Variants in RFX3 observed in about 807,000 individuals in gnomAD.
The protein encoded by RFX3 is regulatory factor X3, also known as transcription factor RFX3.
In RFX3, 14 loss-of-function variants were observed where a neutral mutation model predicts 98.6. That is an observed-to-expected ratio of 0.14 (90% CI 0.09 to 0.22). RFX3 has a LOEUF of 0.22. Among genes scored for constraint, RFX3 ranks in the 10% least tolerant of loss-of-function variants. The probability of loss-of-function intolerance (pLI) is 1.00; values close to 1 mark genes in which losing one functional copy is unlikely to be tolerated. For synonymous variants in RFX3, 383 were observed against 328.4 expected (o/e 1.17, Z -1.80); for missense variants, 639 against 926.9 (o/e 0.69, Z 4.03).
intron 5 of RFX3, among the ~76,000 whole-genome samples, chr9:3,298,518 G>C (rs1478976336): frequency 1.3e-5 from 2 of 151,666 alleles, no homozygotes; most frequent in African/African-American, 4.8e-5. Flanking sequence ...CTATGTACCA[G>C]GCACTGTTCT....
intron 4 of RFX3, among the ~76,000 whole-genome samples, chr9:3,311,960 T>C (rs144528429): frequency 4.5e-4 from 68 of 152,278 alleles, no homozygotes; most frequent in African/African-American, 1.5e-3. Context: ...AGGCCTTTCA[T>C]ACATGTATTG....
rs1834288260 is a variant in RFX3, at chr9:3,344,938, A to G, written c.215+1729T>C. 1.6e-5 allele frequency: 11 copies of G among 672,252 alleles called. No individual in the cohort carries two copies. The South Asian group carries it at 1.8e-4, about 11-fold the overall frequency. The allele number at this position is 672,252 out of a possible 1,614,324, so 41.6% of individuals were successfully genotyped here. On this transcript the variant is annotated intron_variant, in intron 3 of 16. Transcript: ENST00000617270. ...CACAGTGTGTCTAAAATATGTAAAG[A>G]GGTATAGATTTAATACGGTAACAGA...
chr9:3,258,764 C>T (rs983416075), intron 13 of RFX3, among the ~76,000 whole-genome samples: 22 of 151,710 alleles, frequency 1.5e-4, no homozygotes, highest in African/African-American at 5.1e-4. Context: ...ACCTTTCAAA[C>T]TTTTCACATG....
chr9:3,303,795 G>A (rs1221503620), intron 4 of RFX3, among the ~76,000 whole-genome samples: 4 of 151,978 alleles, frequency 2.6e-5, no homozygotes, highest in East Asian at 3.9e-4. Context: ...TTGGAAAGGT[G>A]CAAGGAAATA....
At chr9:3,255,881 G>T (rs2131093648) in intron 14 of RFX3, among the ~76,000 whole-genome samples, 1 of 152,094 alleles carries the variant, frequency 6.6e-6, no homozygotes, top group South Asian at 2.1e-4. Flanking sequence ...CTATGTTACT[G>T]TCTACGAGAT....
intron 3 of RFX3, among the ~76,000 whole-genome samples, chr9:3,338,039 C>T (rs1020482680): frequency 2.6e-5 from 4 of 152,134 alleles, no homozygotes; most frequent in African/African-American, 4.8e-5. Context: ...GAATATTCAT[C>T]AGACTGAAGG....
At chr9:3,459,801 G>C (rs1847525517) in intron 1 of RFX3, among the ~76,000 whole-genome samples, 1 of 151,980 alleles carries the variant, frequency 6.6e-6, no homozygotes, top group Non-Finnish European at 1.5e-5. Flanking sequence ...CTCAGAATAA[G>C]TTATAGTTTG....
chr9:3,493,938 G>A (rs1174996564), intron 1 of RFX3, among the ~76,000 whole-genome samples: 2 of 151,566 alleles, frequency 1.3e-5, no homozygotes, highest in Non-Finnish European at 2.9e-5. Context: ...TAAGATCCAT[G>A]TCCTGCTTTA....
chr9:3,441,715 G>A (rs1845625828), intron 1 of RFX3, among the ~76,000 whole-genome samples: 1 of 151,936 alleles, frequency 6.6e-6, no homozygotes, highest in Non-Finnish European at 1.5e-5. Context: ...TAAATGATTG[G>A]AGAAATAAAT....
chr9:3,352,711 C>A (rs1835290355), intron 2 of RFX3, among the ~76,000 whole-genome samples: 1 of 151,920 alleles, frequency 6.6e-6, no homozygotes, highest in Admixed American at 6.6e-5. Context: ...AGTCATGTGA[C>A]AAAAGGCATC....
At chr9:3,367,146 C>T (rs942870853) in intron 2 of RFX3, among the ~76,000 whole-genome samples, 1 of 152,230 alleles carries the variant, frequency 6.6e-6, no homozygotes, top group South Asian at 2.1e-4. Flanking sequence ...TATGGTACAG[C>T]TGACGTTAAA....
intron 1 of RFX3, among the ~76,000 whole-genome samples, chr9:3,518,017 T>C (rs1266759510): frequency 6.6e-6 from 1 of 152,224 alleles, no homozygotes; most frequent in Non-Finnish European, 1.5e-5. Flanking sequence ...CGTTTAGATA[T>C]GTTCAGATAC....
intron 2 of RFX3, among the ~76,000 whole-genome samples, chr9:3,347,778 A>C (rs1017581956): frequency 6.6e-6 from 1 of 152,138 alleles, no homozygotes; most frequent in African/African-American, 2.4e-5. Flanking sequence ...GCGAGCCGAG[A>C]CTGTGCCATT....
At chr9:3,317,653 G>A (rs1320480272) in intron 4 of RFX3, among the ~76,000 whole-genome samples, 1 of 152,148 alleles carries the variant, frequency 6.6e-6, no homozygotes, top group Non-Finnish European at 1.5e-5. Context: ...AATCTACAAA[G>A]AACTTAAAAC....
In RFX3 at chr9:3,275,482, A is replaced by T; in HGVS notation, c.1086+18T>A. The T allele has an allele frequency of 7.2e-7, 1 of 1,394,746 alleles. No homozygotes were observed. The highest frequency in any genetic ancestry group is 1.0e-6 in the Non-Finnish European group (1 of 981,260). The allele number at this position is 1,394,746 out of a possible 1,614,324, so 86.4% of individuals were successfully genotyped here. A position where few individuals can be genotyped will look rare whatever the true frequency, so the allele number is the denominator to read the frequency against. On this transcript the variant is annotated intron_variant, in intron 9 of 16. Transcript: ENST00000617270. ...GCAAAACCTAGCATGTGTTCATACT[A>T]CATTTGAAAAGACTTACCTCACAGT...
At chr9:3,327,334 C>T (rs867869790) in intron 4 of RFX3, among the ~76,000 whole-genome samples, 1 of 152,144 alleles carries the variant, frequency 6.6e-6, no homozygotes, top group African/African-American at 2.4e-5. Flanking sequence ...AATTTTACTA[C>T]AGTAACAGAT....
chr9:3,249,155 T>C (rs1821060755), intron 14 of RFX3, among the ~76,000 whole-genome samples: 1 of 152,140 alleles, frequency 6.6e-6, no homozygotes, highest in South Asian at 2.1e-4. Context: ...AGGTAAAAAC[T>C]CACCTATGCC....
chr9:3,442,843 A>G (rs1276170806), intron 1 of RFX3, among the ~76,000 whole-genome samples: 1 of 152,232 alleles, frequency 6.6e-6, no homozygotes, highest in African/African-American at 2.4e-5. Flanking sequence ...TTTATTAGTT[A>G]TAATGCTAAT....
chr9:3,245,236 C>A (rs1820506123), intron 15 of RFX3, among the ~76,000 whole-genome samples: 1 of 152,124 alleles, frequency 6.6e-6, no homozygotes. Context: ...CTGATTTTTA[C>A]AACATGAAGT....
Sources: allele counts gnomAD v4.1 joint callset (sites outside exome capture counted in the v4.1 genomes callset), GRCh38; gene constraint gnomAD v4.1.1; transcripts MANE v1.5; gene names NCBI Gene and HGNC (gene_info 2026-07-23, HGNC 2026-07-21).